ERC1: variants seen among roughly 807,000 people sequenced by gnomAD.
ERC1 encodes ELKS/RAB6-interacting/CAST family member 1, also known as RAB6 interacting protein 2.
ERC1 carries 56 observed loss-of-function variants against 132.0 expected under a neutral mutation model. The ratio of observed to expected loss-of-function variants is 0.42; its 90% CI spans 0.34 to 0.53. The LOEUF is 0.53. Among genes scored for constraint, ERC1 ranks in the 20% least tolerant of loss-of-function variants. The pLI, the probability that ERC1 is intolerant of heterozygous loss-of-function variation, is 0.03. For synonymous variants in ERC1, 478 were observed against 476.1 expected (o/e 1.00, Z -0.05); for missense variants, 1,202 against 1,349.9 (o/e 0.89, Z 1.72).
At chr12:1,476,152 A>G (rs1376162886) in intron 18 of ERC1, among the ~76,000 whole-genome samples, 1 of 151,634 alleles carries the variant, frequency 6.6e-6, no homozygotes, top group Non-Finnish European at 1.5e-5. Flanking sequence ...GCTACTCAGG[A>G]GGCTGAGGCA....
At chr12:1,385,430 C>G (rs1403202025) in intron 16 of ERC1, among the ~76,000 whole-genome samples, 3 of 152,062 alleles carry the variant, frequency 2.0e-5, no homozygotes, top group Admixed American at 1.3e-4. Context: ...CTACAGGCGC[C>G]CGCCACCACG....
At chr12:1,285,940 G>A (rs896088250) in intron 14 of ERC1, among the ~76,000 whole-genome samples, 3 of 152,128 alleles carry the variant, frequency 2.0e-5, no homozygotes, top group Admixed American at 6.5e-5. Context: ...AAAGAAAAAT[G>A]TGCATGAGCA....
intron 15 of ERC1, among the ~76,000 whole-genome samples, chr12:1,317,728 A>G (rs927282533): frequency 6.6e-6 from 1 of 152,182 alleles, no homozygotes; most frequent in African/African-American, 2.4e-5. Context: ...GAAAAAGACA[A>G]TACTGAACCT....
intron 15 of ERC1, among the ~76,000 whole-genome samples, chr12:1,293,359 G>T (rs61912041): frequency 7.3e-6 from 1 of 136,734 alleles, no homozygotes; most frequent in African/African-American, 2.7e-5. Flanking sequence ...AGGCTGAGGC[G>T]GGAGAATAGC....
chr12:1,348,521 C>T (rs933201131), intron 15 of ERC1, among the ~76,000 whole-genome samples: 1 of 152,056 alleles, frequency 6.6e-6, no homozygotes, highest in East Asian at 1.9e-4. Context: ...GGTGAAACCC[C>T]GTCTCTACCA....
At chr12:1,024,253 C>T (rs148523409) in intron 1 of ERC1, among the ~76,000 whole-genome samples, 14 of 152,174 alleles carry the variant, frequency 9.2e-5, no homozygotes, top group East Asian at 5.8e-4. Flanking sequence ...TGCTGATGCT[C>T]GCCTGTAGTC....
chr12:1,414,679 C>T (rs563746717), intron 17 of ERC1, among the ~76,000 whole-genome samples: 4 of 152,140 alleles, frequency 2.6e-5, no homozygotes, highest in African/African-American at 7.2e-5. Context: ...TTTTTTCTTT[C>T]TCCTTTCTTC....
At chr12:1,331,135 T>G (rs540707676) in intron 15 of ERC1, among the ~76,000 whole-genome samples, 1 of 152,340 alleles carries the variant, frequency 6.6e-6, no homozygotes, top group East Asian at 1.9e-4. Flanking sequence ...TTCCCAATAC[T>G]CCAGAAGCCC....
intron 7 of ERC1, among the ~76,000 whole-genome samples, chr12:1,131,829 T>C (rs1948795799): frequency 6.6e-6 from 1 of 152,204 alleles, no homozygotes; most frequent in South Asian, 2.1e-4. Flanking sequence ...TTCTGTTCAC[T>C]TCCATTGGTA....
At chr12:1,043,043 C>CT (rs1970517337) in intron 2 of ERC1, among the ~76,000 whole-genome samples, 1 of 143,492 alleles carries the variant, frequency 7.0e-6, no homozygotes, top group African/African-American at 2.7e-5. Context: ...CTTTTCTTTT[C>CT]TTTTCTTTTT....
At chr12:1,473,819 T>C (rs1270832728) in intron 18 of ERC1, among the ~76,000 whole-genome samples, 1 of 151,984 alleles carries the variant, frequency 6.6e-6, no homozygotes, top group Non-Finnish European at 1.5e-5. Flanking sequence ...GCAATTTTAG[T>C]TTTCCCTGGT....
At chr12:1,196,465 G>T (rs1297181087) in intron 12 of ERC1, among the ~76,000 whole-genome samples, 1 of 151,424 alleles carries the variant, frequency 6.6e-6, no homozygotes, top group African/African-American at 2.4e-5. Flanking sequence ...TTTGGGTTGG[G>T]GGGGTATGTG....
chr12:1,291,136 T>C (rs1217426549), intron 15 of ERC1, among the ~76,000 whole-genome samples: 4 of 152,232 alleles, frequency 2.6e-5, no homozygotes, highest in African/African-American at 9.6e-5. Context: ...ACATGATGAT[T>C]GTGATATTGT....
chr12:1,427,786 G>A (rs1349002335), intron 17 of ERC1, among the ~76,000 whole-genome samples: 1 of 152,198 alleles, frequency 6.6e-6, no homozygotes, highest in Non-Finnish European at 1.5e-5. Context: ...ATGTAATAAT[G>A]TAGTCAGTGC....
chr12:1,289,444 G>T (rs1157066503), intron 14 of ERC1, among the ~76,000 whole-genome samples: 1 of 151,858 alleles, frequency 6.6e-6, no homozygotes, highest in Non-Finnish European at 1.5e-5. Flanking sequence ...CAGGAAATCT[G>T]TTATTTGCCA....
At position 1,369,171 on chromosome 12, in the gene ERC1, C is replaced by T. The variant is rs1016450526; in HGVS notation, c.2781-2662C>T. 8.5e-5 allele frequency among the ~76,000 whole-genome samples: 13 copies of T among 152,182 alleles called. No individual in the cohort carries two copies. In the East Asian group the frequency reaches 2.5e-3, roughly 29 times the overall value. On this transcript the variant is annotated intron_variant, in intron 15 of 18. Transcript: ENST00000360905. The stretch of plus-strand genomic sequence containing the variant: ...TCCAATGGCTCAGACTCCAATGCCA[C>T]ATTCCTCAAAACTTTGAAATTAGAA...
chr12:1,316,635 G>T (rs1293745856), intron 15 of ERC1, among the ~76,000 whole-genome samples: 1 of 152,112 alleles, frequency 6.6e-6, no homozygotes, highest in Non-Finnish European at 1.5e-5. Context: ...ACTGTTGGTG[G>T]GAGTGTAAAT....
chr12:1,265,950 TG>T (rs1485971958), intron 14 of ERC1, among the ~76,000 whole-genome samples: 1 of 152,222 alleles, frequency 6.6e-6, no homozygotes, highest in Non-Finnish European at 1.5e-5. Context: ...TTCCTTCAGC[TG>T]TTGAAGGACG....
intron 2 of ERC1, among the ~76,000 whole-genome samples, chr12:1,057,585 G>GTTTTTTTTTTTTT (rs59761885): frequency 2.1e-5 from 1 of 47,696 alleles, no homozygotes; most frequent in Non-Finnish European, 4.0e-5. Flanking sequence ...GATGCGCATG[G>GTTTTTTTTTTTTT]TTTTTTTTTT....
Sources: allele counts gnomAD v4.1 joint callset (sites outside exome capture counted in the v4.1 genomes callset), GRCh38; gene constraint gnomAD v4.1.1; transcripts MANE v1.5; gene names NCBI Gene and HGNC (gene_info 2026-07-23, HGNC 2026-07-21).